PDCD10: variants seen among roughly 807,000 people sequenced by gnomAD.
PDCD10 encodes the protein programmed cell death 10.
PDCD10 carries 4 observed loss-of-function variants against 29.2 expected under a neutral mutation model. That is an observed-to-expected ratio of 0.14 (90% confidence interval 0.07 to 0.31). The LOEUF (loss-of-function observed/expected upper bound fraction) is 0.31. Among genes scored for constraint, PDCD10 ranks in the 10% least tolerant of loss-of-function variants. The probability of loss-of-function intolerance (pLI) is 1.00; values close to 1 mark genes in which losing one functional copy is unlikely to be tolerated. For missense variants in PDCD10, 183 were observed against 257.9 expected (o/e 0.71, Z 1.99); for synonymous variants, 70 against 82.2 (o/e 0.85, Z 0.80).
intron 2 of PDCD10, among the ~76,000 whole-genome samples, chr3:167,727,779 T>G (rs1209520845): frequency 5.3e-5 from 8 of 152,228 alleles, no homozygotes; most frequent in African/African-American, 1.9e-4. Context: ...TTTAACTTAA[T>G]GACTCCTAAT....
rs934895744 is a variant in PDCD10 at position 167,731,144 on chromosome 3, T to G, written c.-117+3070A>C. On this transcript the variant is annotated intron_variant, in intron 2 of 8. Transcript: ENST00000392750. ...AGTAAATTTACTTATTTTCTTGATGTCTTCAGCTATAAAACAGTATTAATA... is the reference window on the plus strand; with the variant it reads ...AGTAAATTTACTTATTTTCTTGATGGCTTCAGCTATAAAACAGTATTAATA... 4.6e-5 allele frequency among the ~76,000 whole-genome samples: 7 copies of G among 152,306 alleles called. No individual in the cohort carries two copies. In the South Asian group the frequency reaches 1.4e-3, roughly 32 times the overall value.
chr3:167,712,447 C>T (rs568907900), intron 3 of PDCD10, among the ~76,000 whole-genome samples: 8 of 150,890 alleles, frequency 5.3e-5, no homozygotes, highest in South Asian at 4.2e-4. Flanking sequence ...ATGATAACCT[C>T]GAAACAAAAA....
At chr3:167,689,826 AT>A (rs1468301093) in intron 6 of PDCD10, among the ~76,000 whole-genome samples, 1 of 152,178 alleles carries the variant, frequency 6.6e-6, no homozygotes, top group African/African-American at 2.4e-5. Context: ...AGACTGTTAA[AT>A]GCCTACCAAA....
intron 4 of PDCD10, among the ~76,000 whole-genome samples, chr3:167,699,716 G>A (rs1377719683): frequency 2.0e-5 from 3 of 152,136 alleles, no homozygotes; most frequent in South Asian, 2.1e-4. Flanking sequence ...TCTGGAAGAC[G>A]GACAACCTAT....
intron 4 of PDCD10, among the ~76,000 whole-genome samples, chr3:167,697,447 A>G (rs903486355): frequency 1.3e-5 from 2 of 152,160 alleles, no homozygotes; most frequent in African/African-American, 4.8e-5. Context: ...TAATCTATCA[A>G]TTGCTATTCT....
chr3:167,707,368 AG>A (rs1329852103), intron 3 of PDCD10, among the ~76,000 whole-genome samples: 2 of 152,126 alleles, frequency 1.3e-5, no homozygotes, highest in Non-Finnish European at 2.9e-5. Flanking sequence ...GTCTTTGGCT[AG>A]GGTAACTTTA....
chr3:167,693,543 A>G (rs1015876013), intron 6 of PDCD10, among the ~76,000 whole-genome samples: 4 of 152,348 alleles, frequency 2.6e-5, no homozygotes, highest in African/African-American at 7.2e-5. Context: ...CAGGACTACC[A>G]TGACCAAAGA....
intron 2 of PDCD10, among the ~76,000 whole-genome samples, chr3:167,722,421 C>T (rs987055699): frequency 9.9e-5 from 15 of 152,054 alleles, no homozygotes; most frequent in African/African-American, 3.4e-4. Context: ...GCTGCTATAT[C>T]GCTACAGGAG....
At chr3:167,727,378 G>C (rs1341334085) in intron 2 of PDCD10, among the ~76,000 whole-genome samples, 1 of 151,810 alleles carries the variant, frequency 6.6e-6, no homozygotes, top group Admixed American at 6.6e-5. Flanking sequence ...TTTTTCCTAT[G>C]TCTAAATTTT....
rs760039164 is a variant in PDCD10, at chr3:167,720,013, G to A, written c.96+49C>T. The A allele has an allele frequency of 3.7e-6, 4 of 1,074,296 alleles. No homozygotes were observed. The African/African-American group carries it at 6.2e-5, about 17-fold the overall frequency. 66.5% of individuals were successfully genotyped at this position (1,074,296 alleles called of 1,614,324 possible). On this transcript the variant is annotated intron_variant, in intron 3 of 8. Transcript: ENST00000392750. ...ACAAGCAGACGAATAAATAAAGCAG[G>A]AATTAAAGAATTGCAGAGTTCATGC...
At chr3:167,720,419 G>A (rs1333734830) in intron 2 of PDCD10, 146 bp from the exon 3 acceptor site, 7 of 420,932 alleles carry the variant, frequency 1.7e-5, no homozygotes, top group African/African-American at 1.4e-4. Context: ...AAACCTAGTT[G>A]GCAAGAAACT....
At chr3:167,730,822 A>G (rs1287567929) in intron 2 of PDCD10, 1 of 152,206 alleles carries the variant, frequency 6.6e-6, no homozygotes, top group African/African-American at 2.4e-5. Context: ...CTCCAGCTAT[A>G]AAGCAAATAA....
At chr3:167,700,571 C>T (rs1045416781) in intron 4 of PDCD10, among the ~76,000 whole-genome samples, 1 of 151,954 alleles carries the variant, frequency 6.6e-6, no homozygotes, top group Non-Finnish European at 1.5e-5. Context: ...TGTGAAATAC[C>T]TTTTTGTCTC....
At chr3:167,729,097 C>T (rs974632090) in intron 2 of PDCD10, among the ~76,000 whole-genome samples, 2 of 152,206 alleles carry the variant, frequency 1.3e-5, no homozygotes, top group Non-Finnish European at 2.9e-5. Flanking sequence ...CCACACCAGA[C>T]TGAGAGCCAC....
intron 1 of PDCD10, 61 bp from the exon 2 acceptor site, chr3:167,734,411 C>G (rs1698116870): frequency 6.5e-6 from 1 of 152,690 alleles, no homozygotes; most frequent in South Asian, 2.1e-4. Flanking sequence ...TTTCCTTCCT[C>G]CTCCCTTTTC....
At chr3:167,719,508 T>C (rs1559972537) in intron 3 of PDCD10, among the ~76,000 whole-genome samples, 1 of 152,074 alleles carries the variant, frequency 6.6e-6, no homozygotes, top group Non-Finnish European at 1.5e-5. Context: ...AGACAATTCT[T>C]CAAATTAAAA....
At chr3:167,734,570 AGAG>A (rs1233444641) in intron 1 of PDCD10, 89 bp downstream of exon 1, 1 of 152,320 alleles carries the variant, frequency 6.6e-6, no homozygotes, top group African/African-American at 2.4e-5. Flanking sequence ...GCCCCCACCT[AGAG>A]GAGACTTCCT....
intron 2 of PDCD10, among the ~76,000 whole-genome samples, chr3:167,733,096 T>A (rs1237368223): frequency 6.6e-6 from 1 of 152,168 alleles, no homozygotes; most frequent in Non-Finnish European, 1.5e-5. Context: ...CGAAAAAATG[T>A]TTTTCCATTA....
intron 3 of PDCD10, among the ~76,000 whole-genome samples, chr3:167,711,308 G>A (rs775511935): frequency 1.3e-5 from 2 of 152,096 alleles, no homozygotes; most frequent in East Asian, 1.9e-4. Flanking sequence ...AATCCTATCC[G>A]ACAAATTTAA....
Sources: gnomAD v4.1 joint callset for allele counts (sites outside exome capture counted in the v4.1 genomes callset) on GRCh38, gnomAD v4.1.1 for gene constraint, MANE v1.5 for transcripts, NCBI Gene and HGNC (gene_info 2026-07-23, HGNC 2026-07-21) for gene names.